Variants in AAMP observed in about 807,000 individuals in gnomAD.
AAMP encodes the protein angio associated migratory cell protein.
In AAMP, 12 loss-of-function variants were observed where a neutral mutation model predicts 51.1. That is an observed-to-expected ratio of 0.23 (90% confidence interval 0.15 to 0.38). The LOEUF is 0.38. Ranked by LOEUF, AAMP falls within the 10% of genes least tolerant of loss-of-function variation. The pLI is 1.00. For missense variants in AAMP, 418 were observed against 557.2 expected (o/e 0.75, Z 2.52); for synonymous variants, 210 against 218.7 (o/e 0.96, Z 0.35).
In AAMP at chr2:218,264,428, C is replaced by A. The variant is rs878941802; in HGVS notation, c.*105G>T. On this transcript the variant is annotated 3_prime_UTR_variant, in exon 11 of 11. Coordinates refer to ENST00000248450, the MANE Select transcript of AAMP (RefSeq NM_001087.5). ...GAAGAGGCTGGAAAGTCATCCAGGGCCCCACCCTCCTCTTCCCTCTGTGCC... is the reference window on the plus strand; with the variant it reads ...GAAGAGGCTGGAAAGTCATCCAGGGACCCACCCTCCTCTTCCCTCTGTGCC... 5.4e-6 allele frequency: 6 copies of A among 1,120,676 alleles called. No individual in the cohort carries two copies. The highest frequency in any genetic ancestry group is 1.8e-5 in the Admixed American group (1 of 56,992). 69.4% of individuals were successfully genotyped at this position (1,120,676 alleles called of 1,614,324 possible).
At position 218,265,671 on chromosome 2, in the gene AAMP, A is replaced by G. The variant is rs1360015367; in HGVS notation, c.891T>C (p.Val297=). 1.9e-6 allele frequency: 3 copies of G among 1,612,916 alleles called. No homozygotes were observed. In the East Asian group the frequency reaches 6.7e-5, roughly 36 times the overall value. Residue 297 remains valine, a synonymous_variant, in exon 8 of 11, where the codon GTT becomes GTC. Coordinates refer to ENST00000248450, the MANE Select transcript of AAMP (RefSeq NM_001087.5). The surrounding 1 kb of genome is among the most constrained non-coding windows in gnomAD (Gnocchi z 6.6). ...GGGAGGCCACAGTCTCAGGTCTAAA[A>G]ACACCCACCACCTGAAAGCCAGAGA... ...VSATTGKVVG[V]FRPETVASQP...
Position 218,267,862 on chromosome 2 carries a change from C to T in AAMP, c.275-249G>A, listed in dbSNP as rs145508047. 3.8e-3 allele frequency among the ~76,000 whole-genome samples: 577 copies of T among 152,324 alleles called. 7 individuals are homozygous for T. Among genetic ancestry groups the T allele is most frequent in the Non-Finnish European group, 6.7e-3 (458 of 68,020 alleles). On this transcript the variant is annotated intron_variant, in intron 2 of 10. Coordinates refer to ENST00000248450, the MANE Select transcript of AAMP (RefSeq NM_001087.5). This position sits in a 1 kb window ranked among gnomAD's most constrained non-coding sequence, Gnocchi z 4.6. ...CTCCCGTCACCACCCAACACCAATGCCATGGACAAGAGGTGGGGACAGGTG... is the reference window on the plus strand; with the variant it reads ...CTCCCGTCACCACCCAACACCAATGTCATGGACAAGAGGTGGGGACAGGTG...
Position 218,265,745 on chromosome 2 carries a change from G to A in AAMP, c.880-63C>T. 1.3e-6 allele frequency: 2 copies of A among 1,577,244 alleles called. No homozygotes were observed. Among genetic ancestry groups the A allele is most frequent in the Non-Finnish European group, 1.7e-6 (2 of 1,149,676 alleles). On this transcript the variant is annotated intron_variant, in intron 7 of 10. Transcript: ENST00000248450. The surrounding 1 kb of genome is among the most constrained non-coding windows in gnomAD (Gnocchi z 6.6). ...CGGGTGCTTGATGGAGAGAAAGACG[G>A]TGGGGAGAGGAGACAGTGAAGACCC...
At chr2:218,269,572 G>A (rs776226895) in intron 1 of AAMP, 38 bp from the exon 2 acceptor site, 1 of 1,613,980 alleles carries the variant, frequency 6.2e-7, no homozygotes, top group South Asian at 1.1e-5. Flanking sequence ...GGGCTCGGGA[G>A]GCGGTAAGAG....
At position 218,265,873 on chromosome 2, in the gene AAMP, A is replaced by G. The variant is rs1175613981; in HGVS notation, c.837T>C (p.Ser279=). 5 of 1,613,944 alleles carry G rather than the reference A, an allele frequency of 3.1e-6. No individual in the cohort carries two copies. Among genetic ancestry groups the G allele is most frequent in the Non-Finnish European group, 4.2e-6 (5 of 1,179,992 alleles). Residue 279 remains serine (S), a synonymous_variant, in exon 7 of 11, where the codon TCT becomes TCC. Coordinates refer to ENST00000248450, the MANE Select transcript of AAMP (RefSeq NM_001087.5). This position sits in a 1 kb window ranked among gnomAD's most constrained non-coding sequence, Gnocchi z 6.6. ...NQDGSLILTG[S]VDCQAKLVSA... ...TGACCAGCTTGGCCTGGCAGTCCAC[A>G]GAGCCAGTTAGGATCAAGCTGCCAT...
chr2:218,269,860 C>G, intron 1 of AAMP, 106 bp downstream of exon 1: 1 of 1,522,534 alleles, frequency 6.6e-7, no homozygotes, highest in Non-Finnish European at 9.0e-7. Context: ...AGAGGGATAT[C>G]GGTAGGAATG....
In AAMP at chr2:218,265,181, C is replaced by T; in HGVS notation, c.1075-7G>A. On this transcript the variant is annotated splice_polypyrimidine_tract_variant and splice_region_variant and intron_variant, in intron 9 of 10. Transcript: ENST00000248450. The surrounding 1 kb of genome is among the most constrained non-coding windows in gnomAD (Gnocchi z 6.6). ...GCAGCTGCACGATGCCCGACTGCCC[C>T]GAGGAATGACAGAGGCAGGGCGGAG... The T allele has an allele frequency of 1.9e-6, 3 of 1,577,388 alleles. No homozygotes were observed. The highest frequency in any genetic ancestry group is 2.6e-6 in the Non-Finnish European group (3 of 1,161,412).
intron 2 of AAMP, among the ~76,000 whole-genome samples, chr2:218,268,547 G>A (rs1352853207): frequency 5.3e-5 from 8 of 149,956 alleles, no homozygotes; most frequent in East Asian, 2.0e-4. Context: ...TCACCATGTC[G>A]GCCAGGCTGG....
At position 218,269,718 on chromosome 2, in the gene AAMP, G is replaced by A. The variant is rs1014633125; in HGVS notation, c.122-184C>T. The A allele has an allele frequency of 2.7e-6, 3 of 1,131,368 alleles. No homozygotes were observed. In the African/African-American group the frequency reaches 4.6e-5, roughly 17 times the overall value. The allele number at this position is 1,131,368 out of a possible 1,614,324, so 70.1% of individuals were successfully genotyped here. A position where few individuals can be genotyped will look rare whatever the true frequency, so the allele number is the denominator to read the frequency against. On this transcript the variant is annotated intron_variant, in intron 1 of 10. Transcript: ENST00000248450. ...GAGGCCACGGCTGGCCAGAGACCGTGCGGTAAGGGAGGGCCAAGGGGATGA... is the reference window on the plus strand; with the variant it reads ...GAGGCCACGGCTGGCCAGAGACCGTACGGTAAGGGAGGGCCAAGGGGATGA...
intron 1 of AAMP, 168 bp from the exon 2 acceptor site, chr2:218,269,702 G>A: frequency 3.3e-6 from 4 of 1,211,676 alleles, no homozygotes; most frequent in Non-Finnish European, 3.5e-6. Flanking sequence ...GGAGGCCACG[G>A]CTGGCCAGAG....
intron 2 of AAMP, among the ~76,000 whole-genome samples, chr2:218,268,957 A>G (rs1425534949): frequency 6.6e-6 from 1 of 151,986 alleles, no homozygotes; most frequent in Non-Finnish European, 1.5e-5. Flanking sequence ...TGGGCCTCCT[A>G]AAGTGCTGGG....
At position 218,265,778 on chromosome 2, in the gene AAMP, A is replaced by AG; in HGVS notation, c.879+52_879+53insC. The AG allele has an allele frequency of 6.3e-7, 1 of 1,582,454 alleles. No individual in the cohort carries two copies. Among genetic ancestry groups the AG allele is most frequent in the Non-Finnish European group, 8.7e-7 (1 of 1,153,926 alleles). On this transcript the variant is annotated intron_variant, in intron 7 of 10. Coordinates refer to ENST00000248450, the MANE Select transcript of AAMP (RefSeq NM_001087.5). This position sits in a 1 kb window ranked among gnomAD's most constrained non-coding sequence, Gnocchi z 6.6. ...AGGAGACAGTGAAGACCCAGGAAGG[A>AG]AGGAGAGGAGTCGGGAAAGCGGAGG...
chr2:218,264,621 A>T lies in AAMP; in HGVS notation c.1230-13T>A. 6.2e-7 allele frequency: 1 copy of T among 1,613,340 alleles called. No homozygotes were observed. Reference sequence around the variant, plus strand: ...CAGGGAGGCATCTCTGTAAACAGAAAGCATGTGATTGCAGAGACTGGGGGA... The same window carrying T: ...CAGGGAGGCATCTCTGTAAACAGAATGCATGTGATTGCAGAGACTGGGGGA... On this transcript the variant is annotated splice_polypyrimidine_tract_variant and intron_variant, in intron 10 of 10. Coordinates refer to ENST00000248450, the MANE Select transcript of AAMP (RefSeq NM_001087.5).
chr2:218,267,432 A>G lies in AAMP; in HGVS notation c.394+62T>C. The G allele has an allele frequency of 6.3e-7, 1 of 1,598,678 alleles. No individual in the cohort carries two copies. The stretch of plus-strand genomic sequence containing the variant: ...GTTGGATGCACAACCTCTGCAGGTC[A>G]GCCTCCTAAGATCTCCCAAAAGAAT... On this transcript the variant is annotated intron_variant, in intron 3 of 10. Coordinates refer to ENST00000248450, the MANE Select transcript of AAMP (RefSeq NM_001087.5). This position sits in a 1 kb window ranked among gnomAD's most constrained non-coding sequence, Gnocchi z 4.6.
In AAMP at chr2:218,266,400, G is replaced by A. The variant is rs112909351; in HGVS notation, c.679+43C>T. On this transcript the variant is annotated intron_variant, in intron 5 of 10. Coordinates refer to ENST00000248450, the MANE Select transcript of AAMP (RefSeq NM_001087.5). The surrounding 1 kb of genome is among the most constrained non-coding windows in gnomAD (Gnocchi z 4.7). ...TGGGAGGTGTATATCCCGGGATTCG[G>A]CCTCTGCACCCAGGAAAGGTCACTC... The A allele has an allele frequency of 1.0e-5, 16 of 1,600,212 alleles. No individual in the cohort carries two copies. Among genetic ancestry groups the A allele is most frequent in the African/African-American group, 4.0e-5 (3 of 74,784 alleles).
Position 218,266,702 on chromosome 2 carries a change from G to C in AAMP, c.535-115C>G. 6.5e-7 allele frequency: 1 copy of C among 1,548,404 alleles called. No individual in the cohort carries two copies. The highest frequency in any genetic ancestry group is 1.2e-5 in the South Asian group (1 of 82,764). Reference sequence around the variant, plus strand: ...TCTGGGGTTCCGCGGGGACTTTCCAGGTAGCAGGTAGATATTCTTCCTGTG... The same window carrying C: ...TCTGGGGTTCCGCGGGGACTTTCCACGTAGCAGGTAGATATTCTTCCTGTG... On this transcript the variant is annotated intron_variant, in intron 4 of 10. Transcript: ENST00000248450. The surrounding 1 kb of genome is among the most constrained non-coding windows in gnomAD (Gnocchi z 4.7).
At chr2:218,269,302 T>C (rs1230228782) in intron 2 of AAMP, 80 bp downstream of exon 2, 27 of 1,568,768 alleles carry the variant, frequency 1.7e-5, no homozygotes, top group African/African-American at 1.5e-4. Context: ...GTGTCCCCCA[T>C]AACGTTCTGT....
In AAMP at chr2:218,267,321, C is replaced by G; in HGVS notation, c.394+173G>C. ...CCCTTGGCCAATTAGTGCCTCCTGC[C>G]TCTGTGCCCAAAACACACTAGTATT... On this transcript the variant is annotated intron_variant, in intron 3 of 10. Coordinates refer to ENST00000248450, the MANE Select transcript of AAMP (RefSeq NM_001087.5). This position sits in a 1 kb window ranked among gnomAD's most constrained non-coding sequence, Gnocchi z 4.6. 2.0e-6 allele frequency: 2 copies of G among 1,015,440 alleles called. No individual in the cohort carries two copies. 62.9% of individuals were successfully genotyped at this position (1,015,440 alleles called of 1,614,324 possible).
At position 218,265,792 on chromosome 2, in the gene AAMP, G is replaced by A; in HGVS notation, c.879+39C>T. 6.3e-7 allele frequency: 1 copy of A among 1,592,754 alleles called. No individual in the cohort carries two copies. The highest frequency in any genetic ancestry group is 8.6e-7 in the Non-Finnish European group (1 of 1,163,268). ...ACCCAGGAAGGAAGGAGAGGAGTCG[G>A]GAAAGCGGAGGCCCCAGCCGGGCTC... On this transcript the variant is annotated intron_variant, in intron 7 of 10. Coordinates refer to ENST00000248450, the MANE Select transcript of AAMP (RefSeq NM_001087.5). This position sits in a 1 kb window ranked among gnomAD's most constrained non-coding sequence, Gnocchi z 6.6.
Sources: allele counts gnomAD v4.1 joint callset (sites outside exome capture counted in the v4.1 genomes callset), GRCh38; gene constraint gnomAD v4.1.1; non-coding constraint Gnocchi (gnomAD v3.1); transcripts MANE v1.5; gene names NCBI Gene and HGNC (gene_info 2026-07-23, HGNC 2026-07-21).